Variants in PTPRM observed in about 807,000 individuals in gnomAD.
PTPRM encodes protein tyrosine phosphatase receptor type M.
A neutral mutation model predicts 186.7 loss-of-function variants in PTPRM; 47 were observed. That is an observed-to-expected ratio of 0.25 (90% CI 0.20 to 0.32). The LOEUF is 0.32. Ranked by LOEUF, PTPRM falls within the 10% of genes least tolerant of loss-of-function variation. The pLI, the probability that PTPRM is intolerant of heterozygous loss-of-function variation, is 1.00. For synonymous variants in PTPRM, 668 were observed against 674.9 expected (o/e 0.99, Z 0.16); for missense variants, 1,494 against 1,865.0 (o/e 0.80, Z 3.66).
At position 7,656,891 on chromosome 18, in the gene PTPRM, A is replaced by G. The variant is rs1005678850; in HGVS notation, c.73+89000A>G. Among the ~76,000 whole-genome samples, 6 of 152,186 alleles carry G rather than the reference A, an allele frequency of 3.9e-5. No homozygotes were observed. In the East Asian group the frequency reaches 1.2e-3, roughly 30 times the overall value. ...CAGTAGTAGCAGCTTTATCTTGTGC[A>G]GTCATCTGGTTGTCTTATTTTCATC... On this transcript the variant is annotated intron_variant, in intron 1 of 32. Transcript: ENST00000580170.
At chr18:8,124,744 A>G (rs1028201781) in intron 13 of PTPRM, among the ~76,000 whole-genome samples, 66 of 152,308 alleles carry the variant, frequency 4.3e-4, no homozygotes, top group African/African-American at 1.3e-3. Context: ...AACATTTTCT[A>G]TCTGTGACCC....
chr18:7,800,531 T>G (rs921717556), intron 2 of PTPRM, among the ~76,000 whole-genome samples: 5 of 152,214 alleles, frequency 3.3e-5, no homozygotes, highest in Admixed American at 2.0e-4. Flanking sequence ...GCAAGTTGTC[T>G]TATTAATTTA....
At chr18:7,737,582 T>C (rs2040798560) in intron 1 of PTPRM, among the ~76,000 whole-genome samples, 1 of 152,198 alleles carries the variant, frequency 6.6e-6, no homozygotes, top group Non-Finnish European at 1.5e-5. Context: ...GCTACTAAAG[T>C]GTTAAAATAC....
chr18:8,115,659 A>G (rs1333555564), intron 13 of PTPRM, among the ~76,000 whole-genome samples: 3 of 152,248 alleles, frequency 2.0e-5, no homozygotes, highest in African/African-American at 7.2e-5. Context: ...GATTTAATTT[A>G]GAGACGATGG....
At chr18:8,289,088 A>G (rs2094992186) in intron 19 of PTPRM, among the ~76,000 whole-genome samples, 1 of 152,154 alleles carries the variant, frequency 6.6e-6, no homozygotes, top group African/African-American at 2.4e-5. Flanking sequence ...CACTAAGTTC[A>G]GAGTGGAATG....
intron 1 of PTPRM, among the ~76,000 whole-genome samples, chr18:7,719,885 C>A (rs866693833): frequency 3.3e-5 from 5 of 152,066 alleles, no homozygotes; most frequent in Admixed American, 1.3e-4. Flanking sequence ...AATAAGATAG[C>A]AGAATATAAA....
At chr18:8,253,802 A>T (rs558116101) in intron 19 of PTPRM, among the ~76,000 whole-genome samples, 2 of 152,338 alleles carry the variant, frequency 1.3e-5, no homozygotes, top group Middle Eastern at 6.8e-3. Flanking sequence ...TGTTACCAAG[A>T]AGTTCACATG....
intron 19 of PTPRM, among the ~76,000 whole-genome samples, chr18:8,267,836 GA>G (rs11393735): frequency 1.3e-5 from 2 of 151,974 alleles, no homozygotes; most frequent in Non-Finnish European, 2.9e-5. Context: ...TTTGATGAGT[GA>G]AAAAAGATTA....
intron 1 of PTPRM, among the ~76,000 whole-genome samples, chr18:7,590,379 A>C (rs1485824630): frequency 1.3e-5 from 2 of 152,170 alleles, no homozygotes; most frequent in African/African-American, 2.4e-5. Context: ...GTGATGGGTC[A>C]TCCAAAACAG....
At chr18:7,965,749 C>T (rs909557061) in intron 7 of PTPRM, among the ~76,000 whole-genome samples, 1 of 152,186 alleles carries the variant, frequency 6.6e-6, no homozygotes, top group Admixed American at 6.5e-5. Flanking sequence ...TGGATTTTAT[C>T]TTGACCTCAT....
At chr18:8,265,197 C>T (rs775762452) in intron 19 of PTPRM, among the ~76,000 whole-genome samples, 11 of 152,248 alleles carry the variant, frequency 7.2e-5, no homozygotes, top group Non-Finnish European at 1.6e-4. Flanking sequence ...AGCTCAGCAG[C>T]AGCAGATGCT....
chr18:8,389,404 G>A (rs2095797519), intron 31 of PTPRM, among the ~76,000 whole-genome samples: 1 of 152,220 alleles, frequency 6.6e-6, no homozygotes, highest in Non-Finnish European at 1.5e-5. Flanking sequence ...AGAGGCAGCT[G>A]TGACCACAGA....
At chr18:7,629,936 T>C (rs1214023065) in intron 1 of PTPRM, among the ~76,000 whole-genome samples, 1 of 151,988 alleles carries the variant, frequency 6.6e-6, no homozygotes, top group Admixed American at 6.6e-5. Flanking sequence ...CAAGGGGACA[T>C]GAGGAGGTTT....
At chr18:8,236,167 G>A (rs762673327) in intron 14 of PTPRM, among the ~76,000 whole-genome samples, 1 of 151,986 alleles carries the variant, frequency 6.6e-6, no homozygotes, top group Non-Finnish European at 1.5e-5. Context: ...TGACAGAGGG[G>A]TTGAAATCTC....
intron 1 of PTPRM, among the ~76,000 whole-genome samples, chr18:7,592,081 T>C (rs1262094980): frequency 1.3e-5 from 2 of 152,226 alleles, no homozygotes; most frequent in East Asian, 1.9e-4. Flanking sequence ...TGATTTAAAT[T>C]ATTTATTGCA....
chr18:7,988,553 C>T (rs896451941), intron 7 of PTPRM, among the ~76,000 whole-genome samples: 27 of 152,066 alleles, frequency 1.8e-4, no homozygotes, highest in African/African-American at 3.6e-4. Flanking sequence ...GTACTTAAAA[C>T]GACAACCTCC....
At chr18:8,405,899 G>T (rs1238473386) in intron 32 of PTPRM, among the ~76,000 whole-genome samples, 2 of 152,154 alleles carry the variant, frequency 1.3e-5, no homozygotes, top group Non-Finnish European at 2.9e-5. Context: ...GCCAGCACAG[G>T]TAGCAAAATA....
chr18:8,342,213 A>G (rs1338161471), intron 22 of PTPRM, among the ~76,000 whole-genome samples: 1 of 152,244 alleles, frequency 6.6e-6, no homozygotes, highest in Non-Finnish European at 1.5e-5. Context: ...ACTATTATTC[A>G]GTGTCCAGGC....
chr18:8,090,698 C>T (rs940331323), intron 11 of PTPRM, among the ~76,000 whole-genome samples: 1 of 152,046 alleles, frequency 6.6e-6, no homozygotes, highest in Non-Finnish European at 1.5e-5. Flanking sequence ...CAGGTTCAAG[C>T]GATTTCTTCT....
Sources: allele counts gnomAD v4.1 joint callset (sites outside exome capture counted in the v4.1 genomes callset), GRCh38; gene constraint gnomAD v4.1.1; transcripts MANE v1.5; gene names NCBI Gene and HGNC (gene_info 2026-07-23, HGNC 2026-07-21).